Variants in MAMDC2 observed in about 807,000 individuals in gnomAD.
The protein encoded by MAMDC2 is MAM domain containing 2.
MAMDC2 carries 57 observed loss-of-function variants against 89.8 expected under a neutral mutation model. The observed-to-expected ratio is 0.63, with a 90% CI of 0.51 to 0.79. MAMDC2 has a LOEUF of 0.79. MAMDC2 is among the 30% of genes least tolerant of loss of function. The pLI, the probability that MAMDC2 is intolerant of heterozygous loss-of-function variation, is 0.00. For missense variants in MAMDC2, 800 were observed against 820.6 expected (o/e 0.97, Z 0.31); for synonymous variants, 313 against 293.4 (o/e 1.07, Z -0.68).
At chr9:70,073,472 G>C (rs976737303) in intron 2 of MAMDC2, among the ~76,000 whole-genome samples, 1 of 152,146 alleles carries the variant, frequency 6.6e-6, no homozygotes, top group Non-Finnish European at 1.5e-5. Context: ...TTCCTGAATG[G>C]TCACTTCAAA....
chr9:70,119,549 C>T (rs2030190443), intron 5 of MAMDC2, among the ~76,000 whole-genome samples: 1 of 152,206 alleles, frequency 6.6e-6, no homozygotes, highest in South Asian at 2.1e-4. Flanking sequence ...GATTTCCTTT[C>T]TCTGCCCTTG....
intron 11 of MAMDC2, among the ~76,000 whole-genome samples, chr9:70,203,173 T>C (rs1390572867): frequency 2.0e-5 from 3 of 151,900 alleles, no homozygotes; most frequent in African/African-American, 7.2e-5. Flanking sequence ...CATTTTGGCA[T>C]GATTTTGCAG....
chr9:70,187,375 C>T (rs1028238156), intron 11 of MAMDC2, among the ~76,000 whole-genome samples: 9 of 151,668 alleles, frequency 5.9e-5, no homozygotes, highest in Admixed American at 2.0e-4. Context: ...GTTATTAAAC[C>T]CATTAACTGA....
chr9:70,183,778 G>C (rs2118582622), intron 11 of MAMDC2, among the ~76,000 whole-genome samples: 1 of 152,222 alleles, frequency 6.6e-6, no homozygotes, highest in South Asian at 2.1e-4. Context: ...ACAGCACACT[G>C]ATGGGTCTTG....
intron 11 of MAMDC2, among the ~76,000 whole-genome samples, chr9:70,188,182 T>C (rs2032799867): frequency 6.6e-6 from 1 of 152,188 alleles, no homozygotes; most frequent in South Asian, 2.1e-4. Context: ...AATCTTTCAG[T>C]TGCAACTTAT....
chr9:70,044,643 A>G lies in MAMDC2; in HGVS notation c.94A>G (p.Thr32Ala), dbSNP rs760315733. 6 of 1,551,466 alleles carry G rather than the reference A, an allele frequency of 3.9e-6. No individual in the cohort carries two copies. Among genetic ancestry groups the G allele is most frequent in the Middle Eastern group, 1.7e-4 (1 of 5,930 alleles). Residue 32 changes from threonine to alanine, a missense_variant, in exon 2 of 14, where the codon ACT becomes GCT. Physicochemically the swap from Thr to Ala is moderately conservative, Grantham distance 58. Coordinates refer to ENST00000377182, the MANE Select transcript of MAMDC2 (RefSeq NM_153267.5). ...PAGSCAFEES[T>A]CGFDSVLASL... ...TGGGTCCTGTGCCTTTGAAGAGAGC[A>G]CTTGCGGCTTTGACTCCGTGTTGGC...
At chr9:70,131,297 A>G (rs2030795447) in intron 6 of MAMDC2, among the ~76,000 whole-genome samples, 1 of 152,144 alleles carries the variant, frequency 6.6e-6, no homozygotes, top group South Asian at 2.1e-4. Context: ...AGAATTTGTG[A>G]GTGTCCCACA....
rs1256174733 is a variant in MAMDC2, at chr9:70,140,226, G to A, written c.1076G>A (p.Gly359Asp). Residue 359 changes from glycine (G) to aspartate (D), a missense_variant, in exon 8 of 14, where the codon GGT becomes GAT. By Grantham distance (94) the Gly-to-Asp change is moderately conservative (BLOSUM62 -1). Coordinates refer to ENST00000377182, the MANE Select transcript of MAMDC2 (RefSeq NM_153267.5). ...TTTTACCAAGATAAAGAAGGTCCAG[G>A]TTGGACCCGAGTGAAAGTAAAACCA... Reference protein sequence around the residue: ...CNFYQDKEGPGWTRVKVKPNM... With the variant: ...CNFYQDKEGPDWTRVKVKPNM... 2 of 1,600,664 alleles carry A rather than the reference G, an allele frequency of 1.2e-6. No individual in the cohort carries two copies. The highest frequency in any genetic ancestry group is 1.7e-6 in the Non-Finnish European group (2 of 1,175,922).
chr9:70,090,450 A>G (rs889472226), intron 2 of MAMDC2, among the ~76,000 whole-genome samples: 4 of 148,878 alleles, frequency 2.7e-5, no homozygotes, highest in Non-Finnish European at 1.5e-5. Flanking sequence ...CACCACTGCA[A>G]TCCAGCCTGG....
chr9:70,108,382 A>G lies in MAMDC2; in HGVS notation c.320A>G (p.Glu107Gly). 1 of 1,614,110 alleles carries G rather than the reference A, an allele frequency of 6.2e-7. No individual in the cohort carries two copies. The highest frequency in any genetic ancestry group is 1.1e-5 in the South Asian group (1 of 91,064). Reference sequence around the variant, plus strand: ...CAGCTGAACCTCTACATGAGATTTGAAGATGAAAGCTTTGATCGCTTGCTT... The same window carrying G: ...CAGCTGAACCTCTACATGAGATTTGGAGATGAAAGCTTTGATCGCTTGCTT... ...PSQLNLYMRF[E>G]DESFDRLLWS... Residue 107 changes from glutamate (E) to glycine (G), a missense_variant, in exon 3 of 14, where the codon GAA (glutamate) becomes GGA (glycine). Physicochemically the swap from Glu to Gly is moderately conservative, Grantham distance 98. Transcript: ENST00000377182.
At chr9:70,114,600 G>C (rs1346733450) in intron 5 of MAMDC2, among the ~76,000 whole-genome samples, 1 of 152,086 alleles carries the variant, frequency 6.6e-6, no homozygotes, top group Non-Finnish European at 1.5e-5. Flanking sequence ...CAAATAAAAA[G>C]ACTGGAGTCT....
intron 2 of MAMDC2, chr9:70,079,460 TA>T (rs1827607259): frequency 6.6e-6 from 1 of 152,202 alleles, no homozygotes; most frequent in Non-Finnish European, 1.5e-5. Context: ...ACCATGAGTA[TA>T]AACAGCCCTA....
At chr9:70,047,711 T>C (rs1826790282) in intron 2 of MAMDC2, among the ~76,000 whole-genome samples, 1 of 152,226 alleles carries the variant, frequency 6.6e-6, no homozygotes, top group African/African-American at 2.4e-5. Context: ...GGTTAATTTA[T>C]TGTGGAGAGA....
chr9:70,070,032 T>C (rs1827367477), intron 2 of MAMDC2, among the ~76,000 whole-genome samples: 1 of 152,106 alleles, frequency 6.6e-6, no homozygotes, highest in Admixed American at 6.5e-5. Flanking sequence ...GGAAATAGCG[T>C]AGGGTGAGTG....
intron 11 of MAMDC2, among the ~76,000 whole-genome samples, chr9:70,197,348 G>A (rs1245105772): frequency 6.6e-6 from 1 of 152,098 alleles, no homozygotes; most frequent in East Asian, 1.9e-4. Flanking sequence ...GAAGAAGTTA[G>A]GAAAATCATT....
intron 2 of MAMDC2, chr9:70,062,798 G>A (rs1174113347): frequency 6.6e-6 from 1 of 152,160 alleles, no homozygotes; most frequent in Non-Finnish European, 1.5e-5. Flanking sequence ...TACTGCCTAG[G>A]TGTACTCTAT....
intron 9 of MAMDC2, among the ~76,000 whole-genome samples, chr9:70,145,711 T>G (rs999124341): frequency 6.6e-6 from 1 of 152,166 alleles, no homozygotes; most frequent in African/African-American, 2.4e-5. Flanking sequence ...AGCATTTTAT[T>G]TATTCATTTG....
rs115057387 is a variant in MAMDC2, at chr9:70,059,717, G to A, written c.148+15020G>A. The stretch of plus-strand genomic sequence containing the variant: ...ATCCTTGAAAATAGATTTCTTCATC[G>A]TTTTTTCCAGAGACAGTGTAATGGC... On this transcript the variant is annotated intron_variant, in intron 2 of 13. Transcript: ENST00000377182. Among the ~76,000 whole-genome samples, 982 of 152,194 alleles carry A rather than the reference G, an allele frequency of 6.5e-3. 16 individuals are homozygous for A. The highest frequency in any genetic ancestry group is 0.023 in the African/African-American group (946 of 41,526).
intron 2 of MAMDC2, among the ~76,000 whole-genome samples, chr9:70,095,305 G>C (rs1927105): frequency 0.083 from 12,583 of 152,266 alleles, 754 homozygotes; most frequent in East Asian, 0.21. Flanking sequence ...CACTCTGGCT[G>C]TAGTGTGGAG....
Sources: allele counts gnomAD v4.1 joint callset (sites outside exome capture counted in the v4.1 genomes callset), GRCh38; gene constraint gnomAD v4.1.1; transcripts MANE v1.5; gene names NCBI Gene and HGNC (gene_info 2026-07-23, HGNC 2026-07-21).